Variants in SLC8B1 observed in about 807,000 individuals in gnomAD.
The protein encoded by SLC8B1 is mitochondrial sodium/calcium exchanger protein.
A neutral mutation model predicts 63.4 loss-of-function variants in SLC8B1; 52 were observed. The ratio of observed to expected loss-of-function variants is 0.82; its 90% CI spans 0.66 to 1.03. The LOEUF (loss-of-function observed/expected upper bound fraction) is 1.03. Among genes scored for constraint, SLC8B1 ranks in the 50% least tolerant of loss-of-function variants. The pLI is 0.00. For missense variants in SLC8B1, 657 were observed against 741.7 expected (o/e 0.89, Z 1.33); for synonymous variants, 336 against 323.9 (o/e 1.04, Z -0.40).
Position 113,310,978 on chromosome 12 carries a change from T to C in SLC8B1, c.1136-623A>G, listed in dbSNP as rs371023261. On this transcript the variant is annotated intron_variant, in intron 11 of 15. Transcript: ENST00000680972. Reference sequence around the variant, plus strand: ...CATCAAGACCCTTCTTTTGTTCTTTTTTTAGTCTAGCTCATGGCTCCCAAA... The same window carrying C: ...CATCAAGACCCTTCTTTTGTTCTTTCTTTAGTCTAGCTCATGGCTCCCAAA... Among the ~76,000 whole-genome samples the C allele has an allele frequency of 1.1e-4, 17 of 152,310 alleles. No individual in the cohort carries two copies. The East Asian group carries it at 2.7e-3, about 24-fold the overall frequency.
intron 11 of SLC8B1, among the ~76,000 whole-genome samples, chr12:113,313,613 T>C (rs962429196): frequency 1.3e-5 from 2 of 152,186 alleles, no homozygotes; most frequent in East Asian, 3.9e-4. Flanking sequence ...TGGTGGCGGG[T>C]GCCTGTAGTC....
intron 11 of SLC8B1, among the ~76,000 whole-genome samples, chr12:113,313,895 A>T (rs1246297203): frequency 1.3e-5 from 2 of 152,184 alleles, no homozygotes; most frequent in Non-Finnish European, 2.9e-5. Flanking sequence ...CTGTAATCCC[A>T]GCTACTCGGG....
At position 113,319,039 on chromosome 12, in the gene SLC8B1, T is replaced by C; in HGVS notation, c.727A>G (p.Thr243Ala). ...YLGLYVFYVV[T>A]VILCTWIYQR... ...TAGATCCAGGTGCAGAGAATCACAG[T>C]GACCACATAGAACACATACAAGCCC... Residue 243 changes from threonine (T) to alanine (A), a missense_variant, in exon 8 of 16, where the codon ACT becomes GCT. Coordinates refer to ENST00000680972, the MANE Select transcript of SLC8B1 (RefSeq NM_001358345.2). 6.2e-7 allele frequency: 1 copy of C among 1,614,058 alleles called. No homozygotes were observed.
At chr12:113,327,979 CAAAAA>C (rs76685425) in intron 2 of SLC8B1, among the ~76,000 whole-genome samples, 1 of 86,748 alleles carries the variant, frequency 1.2e-5, no homozygotes, top group Non-Finnish European at 2.5e-5. Context: ...ACTACGTCTC[CAAAAA>C]AAAAAAAAAA....
chr12:113,309,645 A>G (rs530892552), intron 12 of SLC8B1, among the ~76,000 whole-genome samples: 27 of 152,294 alleles, frequency 1.8e-4, no homozygotes, highest in Admixed American at 4.6e-4. Flanking sequence ...AGTCCCATCT[A>G]CTTGGGGGGC....
At chr12:113,328,317 C>G (rs553941508) in intron 2 of SLC8B1, among the ~76,000 whole-genome samples, 5 of 152,308 alleles carry the variant, frequency 3.3e-5, no homozygotes, top group South Asian at 2.1e-4. Flanking sequence ...AGGTGGGCCA[C>G]CAAGCCTGGC....
At position 113,320,617 on chromosome 12, in the gene SLC8B1, G is replaced by C; in HGVS notation, c.490C>G (p.Pro164Ala). ...IFSALVAFSD[P>A]HTAGLALGAL... ...CCAAGGGCCAGGCCGGCTGTGTGCGGGTCAGAGAAGGCCACCAGGGCACTG... is the reference window on the plus strand; with the variant it reads ...CCAAGGGCCAGGCCGGCTGTGTGCGCGTCAGAGAAGGCCACCAGGGCACTG... Residue 164 changes from proline to alanine, a missense_variant, in exon 6 of 16, where the codon CCG becomes GCG. Coordinates refer to ENST00000680972, the MANE Select transcript of SLC8B1 (RefSeq NM_001358345.2). This position sits in a 1 kb window ranked among gnomAD's most constrained non-coding sequence, Gnocchi z 5.3. 2 of 1,614,106 alleles carry C rather than the reference G, an allele frequency of 1.2e-6. No individual in the cohort carries two copies. Among genetic ancestry groups the C allele is most frequent in the Non-Finnish European group, 1.7e-6 (2 of 1,180,018 alleles).
At chr12:113,310,694 C>G (rs1432990150) in intron 11 of SLC8B1, among the ~76,000 whole-genome samples, 1 of 152,222 alleles carries the variant, frequency 6.6e-6, no homozygotes, top group Non-Finnish European at 1.5e-5. Flanking sequence ...GCAGCTCCCT[C>G]CAGCCAGGCA....
At position 113,315,467 on chromosome 12, in the gene SLC8B1, C is replaced by T. The variant is rs754416128; in HGVS notation, c.1003G>A (p.Glu335Lys). ...GGGACTGTGAGGAGCAGCAGGAACTCCACAGGCAGCTGTCAAGGGGGCAAA... is the reference window on the plus strand; with the variant it reads ...GGGACTGTGAGGAGCAGCAGGAACTTCACAGGCAGCTGTCAAGGGGGCAAA... ...KALKVFKLPV[E>K]FLLLLTVPVV... Residue 335 changes from glutamate to lysine, a missense_variant, in exon 11 of 16, where the codon GAG becomes AAG. Physicochemically the swap from Glu to Lys is moderately conservative, Grantham distance 56. Coordinates refer to ENST00000680972, the MANE Select transcript of SLC8B1 (RefSeq NM_001358345.2). 1.9e-6 allele frequency: 3 copies of T among 1,594,802 alleles called. No homozygotes were observed. Among genetic ancestry groups the T allele is most frequent in the African/African-American group, 1.3e-5 (1 of 74,540 alleles).
chr12:113,324,003 C>T (rs984800649), intron 2 of SLC8B1, among the ~76,000 whole-genome samples: 5 of 152,142 alleles, frequency 3.3e-5, no homozygotes, highest in African/African-American at 4.8e-5. Context: ...TCAGAAAGCA[C>T]ATGCCAGCTG....
At chr12:113,316,819 A>T in intron 9 of SLC8B1, 123 bp downstream of exon 9, 2 of 1,473,778 alleles carry the variant, frequency 1.4e-6, no homozygotes, top group Non-Finnish European at 1.9e-6. Flanking sequence ...CCTGAGCTGC[A>T]GTGAGAGGTG....
intron 2 of SLC8B1, among the ~76,000 whole-genome samples, chr12:113,325,820 C>T (rs1956990562): frequency 6.6e-6 from 1 of 152,206 alleles, no homozygotes; most frequent in Non-Finnish European, 1.5e-5. Flanking sequence ...GCCTCGGCCT[C>T]CCAAAGTGCT....
Position 113,320,692 on chromosome 12 carries a change from G to A in SLC8B1, c.421-6C>T, listed in dbSNP as rs1232205580. On this transcript the variant is annotated splice_polypyrimidine_tract_variant and splice_region_variant and intron_variant, in intron 5 of 15. Coordinates refer to ENST00000680972, the MANE Select transcript of SLC8B1 (RefSeq NM_001358345.2). The surrounding 1 kb of genome is among the most constrained non-coding windows in gnomAD (Gnocchi z 5.3). ...AATGCCAGGAAGGTGACGCCATGTG[G>A]GGAGCATGTCAAGGCGGGCCAGGAT... is the stretch of plus-strand genomic sequence containing the variant. 2.5e-5 allele frequency: 41 copies of A among 1,612,690 alleles called. No homozygotes were observed. Among genetic ancestry groups the A allele is most frequent in the Non-Finnish European group, 3.2e-5 (38 of 1,179,530 alleles).
At chr12:113,330,045 G>A (rs1957038661) in intron 2 of SLC8B1, among the ~76,000 whole-genome samples, 1 of 152,120 alleles carries the variant, frequency 6.6e-6, no homozygotes, top group South Asian at 2.1e-4. Context: ...TAAATGTCAT[G>A]TCCTCAGAGA....
Position 113,305,709 on chromosome 12 carries a change from T to C in SLC8B1, c.1492+786A>G, listed in dbSNP as rs1956661993. Among the ~76,000 whole-genome samples, 1 of 152,228 alleles carries C rather than the reference T, an allele frequency of 6.6e-6. No individual in the cohort carries two copies. The highest frequency in any genetic ancestry group is 6.5e-5 in the Admixed American group (1 of 15,282). Reference sequence around the variant, plus strand: ...GCACTGTCTGTGCCTGTTTCTGCACTATAGCAGCAGAGTTGAGTAGCTGCA... The same window carrying C: ...GCACTGTCTGTGCCTGTTTCTGCACCATAGCAGCAGAGTTGAGTAGCTGCA... On this transcript the variant is annotated intron_variant, in intron 14 of 15. Transcript: ENST00000680972. This position sits in a 1 kb window ranked among gnomAD's most constrained non-coding sequence, Gnocchi z 4.3.
intron 12 of SLC8B1, among the ~76,000 whole-genome samples, chr12:113,309,263 G>C (rs945771277): frequency 3.3e-5 from 5 of 150,792 alleles, no homozygotes; most frequent in African/African-American, 1.2e-4. Flanking sequence ...CTGCCTCCTG[G>C]GTTCAAGCAA....
intron 2 of SLC8B1, among the ~76,000 whole-genome samples, chr12:113,322,878 A>C (rs1956950078): frequency 6.6e-6 from 1 of 152,200 alleles, no homozygotes; most frequent in Non-Finnish European, 1.5e-5. Context: ...TGAGCCTGGA[A>C]GTTCAAGGTT....
At chr12:113,316,457 G>A (rs995051375) in intron 10 of SLC8B1, 69 bp downstream of exon 10, 22 of 1,568,916 alleles carry the variant, frequency 1.4e-5, no homozygotes, top group Non-Finnish European at 1.9e-5. Flanking sequence ...CGTAGAGCTG[G>A]AGAGGGTAGC....
intron 8 of SLC8B1, among the ~76,000 whole-genome samples, chr12:113,318,380 A>G (rs191046601): frequency 3.4e-5 from 5 of 147,128 alleles, no homozygotes; most frequent in South Asian, 2.1e-4. Flanking sequence ...TGTGTGTTGT[A>G]TATGTGTGCA....
Sources: allele counts gnomAD v4.1 joint callset (sites outside exome capture counted in the v4.1 genomes callset), GRCh38; gene constraint gnomAD v4.1.1; non-coding constraint Gnocchi (gnomAD v3.1); transcripts MANE v1.5; gene names NCBI Gene and HGNC (gene_info 2026-07-23, HGNC 2026-07-21).